SGCD: variants seen among roughly 807,000 people sequenced by gnomAD.
The protein encoded by SGCD is sarcoglycan delta, also known as delta-sarcoglycan.
In SGCD, 18 loss-of-function variants were observed where a neutral mutation model predicts 36.6. The ratio of observed to expected loss-of-function variants is 0.49; its 90% CI spans 0.34 to 0.73. SGCD has a LOEUF of 0.73. Among genes scored for constraint, SGCD ranks in the 30% least tolerant of loss-of-function variants. SGCD has a pLI of 0.01. For synonymous variants in SGCD, 133 were observed against 130.6 expected (o/e 1.02, Z -0.12); for missense variants, 387 against 346.7 (o/e 1.12, Z -0.92).
intron 7 of SGCD, among the ~76,000 whole-genome samples, chr5:156,711,023 T>G (rs1754966393): frequency 6.6e-6 from 1 of 152,210 alleles, no homozygotes. Flanking sequence ...ATTTGGTATC[T>G]TATTGCCACA....
chr5:156,106,156 T>C (rs1219798096), intron 1 of SGCD, among the ~76,000 whole-genome samples: 5 of 114,506 alleles, frequency 4.4e-5, no homozygotes, highest in African/African-American at 6.5e-5. Flanking sequence ...AGGAGAATAA[T>C]ACTGTGTTGG....
At chr5:156,331,778 G>A (rs902277685) in intron 2 of SGCD, among the ~76,000 whole-genome samples, 6 of 152,104 alleles carry the variant, frequency 3.9e-5, no homozygotes, top group Non-Finnish European at 8.8e-5. Flanking sequence ...CGAATCATTC[G>A]ACAAAATCTT....
chr5:156,547,084 T>G (rs1357104457), intron 4 of SGCD, among the ~76,000 whole-genome samples: 1 of 152,218 alleles, frequency 6.6e-6, no homozygotes, highest in Non-Finnish European at 1.5e-5. Flanking sequence ...GGCACCTCTT[T>G]GCTTCAGATG....
Position 155,926,494 on chromosome 5 carries a change from T to G in SGCD, c.-282+56070T>G, listed in dbSNP as rs185512630. Among the ~76,000 whole-genome samples the G allele has an allele frequency of 1.2e-3, 180 of 152,330 alleles. 1 individual carries two copies. The highest frequency in any genetic ancestry group is 4.1e-3 in the African/African-American group (172 of 41,578). ...AGACATACATCTTCTTTAATTATAT[T>G]GGTGGAACAAATAGATATATAAAGT... On this transcript the variant is annotated intron_variant, in intron 1 of 9. Coordinates refer to the SGCD transcript ENST00000517913.
At chr5:155,778,554 G>A in the SGCD span, among the ~76,000 whole-genome samples, 3 of 152,118 alleles carry the variant, frequency 2.0e-5, no homozygotes, top group African/African-American at 4.8e-5. Context: ...TTGTTAACAC[G>A]GAAATGCCAG....
intron 6 of SGCD, among the ~76,000 whole-genome samples, chr5:156,615,892 AT>A (rs1762002649): frequency 6.6e-6 from 1 of 152,230 alleles, no homozygotes; most frequent in South Asian, 2.1e-4. Flanking sequence ...TTTGAACTAG[AT>A]TTTGAGTATA....
At chr5:156,535,137 G>A (rs1758048114) in intron 4 of SGCD, among the ~76,000 whole-genome samples, 1 of 152,168 alleles carries the variant, frequency 6.6e-6, no homozygotes, top group Admixed American at 6.5e-5. Flanking sequence ...ACATGCAAAT[G>A]CAGCTGTGAT....
chr5:156,488,423 A>G (rs1273295860), intron 3 of SGCD, among the ~76,000 whole-genome samples: 1 of 152,140 alleles, frequency 6.6e-6, no homozygotes, highest in Non-Finnish European at 1.5e-5. Context: ...GAAAAGTCAC[A>G]TATGAGGGAA....
chr5:156,586,034 A>G (rs537346554), intron 4 of SGCD, among the ~76,000 whole-genome samples: 22 of 151,410 alleles, frequency 1.5e-4, no homozygotes, highest in African/African-American at 4.9e-4. Context: ...TATTAACTAA[A>G]GTCCACCCTT....
rs1561593295 is a variant in SGCD, at chr5:156,269,505, A to AAAAAC, written c.-43-60025_-43-60024insCAAAA. ...AAAAAAAAAAAAAAAAAAAAAAAAA[A>AAAAAC]AAAAACCATCAGATCTCATGAAACT... On this transcript the variant is annotated intron_variant, in intron 3 of 9. Coordinates refer to the SGCD transcript ENST00000517913. Among the ~76,000 whole-genome samples, 28 of 86,170 alleles carry AAAAAC rather than the reference A, an allele frequency of 3.2e-4. 4 individuals carry two copies. The highest frequency in any genetic ancestry group is 5.1e-4 in the Non-Finnish European group (21 of 41,326). The allele number at this position is 86,170 out of a possible 152,430, so 56.5% of individuals were successfully genotyped here. A position where few individuals can be genotyped will look rare whatever the true frequency, so the allele number is the denominator to read the frequency against.
intron 3 of SGCD, among the ~76,000 whole-genome samples, chr5:156,308,180 C>T (rs1767281947): frequency 6.6e-6 from 1 of 152,124 alleles, no homozygotes; most frequent in South Asian, 2.1e-4. Context: ...AATTGACTCA[C>T]AGTTCTGCAT....
At chr5:156,054,744 G>C (rs1760019337) in intron 1 of SGCD, among the ~76,000 whole-genome samples, 1 of 146,262 alleles carries the variant, frequency 6.8e-6, no homozygotes, top group Admixed American at 6.8e-5. Flanking sequence ...TCCTAAACTT[G>C]AAGTAGCATT....
chr5:156,713,075 C>A (rs1369435283), intron 7 of SGCD, among the ~76,000 whole-genome samples: 3 of 152,110 alleles, frequency 2.0e-5, no homozygotes, highest in Non-Finnish European at 4.4e-5. Context: ...ACTTTCCTCT[C>A]AGGTAGAAAT....
chr5:156,687,461 T>A (rs1753942949), intron 7 of SGCD, among the ~76,000 whole-genome samples: 1 of 152,190 alleles, frequency 6.6e-6, no homozygotes, highest in African/African-American at 2.4e-5. Flanking sequence ...GGAGGTGAGC[T>A]ATTTACTGAA....
chr5:155,870,295 C>T (rs1458204359), upstream of SGCD: 1 of 152,114 alleles, frequency 6.6e-6, no homozygotes, highest in Non-Finnish European at 1.5e-5. Context: ...TTGTAAAATG[C>T]TTAGAACATG....
chr5:156,440,020 C>T (rs533489389), intron 3 of SGCD, among the ~76,000 whole-genome samples: 13 of 152,168 alleles, frequency 8.5e-5, no homozygotes, highest in African/African-American at 2.4e-4. Flanking sequence ...TTAAAGTGAA[C>T]GATTCAGTGG....
intron 3 of SGCD, among the ~76,000 whole-genome samples, chr5:156,387,771 A>G (rs1771348779): frequency 6.6e-6 from 1 of 152,220 alleles, no homozygotes; most frequent in African/African-American, 2.4e-5. Context: ...TATTTAGGGG[A>G]ATGTGCATGT....
At chr5:156,163,738 C>T (rs572894239) in intron 3 of SGCD, among the ~76,000 whole-genome samples, 4 of 151,216 alleles carry the variant, frequency 2.6e-5, no homozygotes, top group Non-Finnish European at 4.4e-5. Context: ...AAATCATTTT[C>T]GGCCGGGCGC....
chr5:156,464,710 C>G (rs904152988), intron 3 of SGCD, among the ~76,000 whole-genome samples: 2 of 152,084 alleles, frequency 1.3e-5, no homozygotes, highest in African/African-American at 4.8e-5. Flanking sequence ...CTTTAACTTC[C>G]TCTTCATGCT....
Sources: allele counts gnomAD v4.1 joint callset (sites outside exome capture counted in the v4.1 genomes callset), GRCh38; gene constraint gnomAD v4.1.1; transcripts MANE v1.5; gene names NCBI Gene and HGNC (gene_info 2026-07-23, HGNC 2026-07-21).